PRKRA: variants seen among roughly 807,000 people sequenced by gnomAD.
PRKRA encodes interferon-inducible double-stranded RNA-dependent protein kinase activator A.
Under a neutral mutation model 32.4 loss-of-function variants are expected in PRKRA, and 22 were observed. The ratio of observed to expected loss-of-function variants is 0.68; its 90% CI spans 0.49 to 0.97. PRKRA has a LOEUF of 0.97. PRKRA is among the 50% of genes least tolerant of loss of function. The pLI, the probability that PRKRA is intolerant of heterozygous loss-of-function variation, is 0.00. For missense variants in PRKRA, 319 were observed against 375.6 expected (o/e 0.85, Z 1.25); for synonymous variants, 139 against 129.8 (o/e 1.07, Z -0.48).
chr2:178,435,383 C>CA (rs765962501), intron 7 of PRKRA, among the ~76,000 whole-genome samples: 1,162 of 60,046 alleles, frequency 0.019, 8 homozygotes, highest in South Asian at 0.028. Flanking sequence ...TACTCCGTCT[C>CA]AAAAAAAAAA....
At position 178,448,659 on chromosome 2, in the gene PRKRA, G is replaced by A. The variant is rs1250261644; in HGVS notation, c.236-1073C>T. ...CATCACAAGACTAGAAGGTAAACGT[G>A]TAGCTACAAGACTGCAGCTACAATC... On this transcript the variant is annotated intron_variant, in intron 2 of 7. Transcript: ENST00000325748. Among the ~76,000 whole-genome samples, 3 of 152,314 alleles carry A rather than the reference G, an allele frequency of 2.0e-5. No homozygotes were observed. In the East Asian group the frequency reaches 5.8e-4, roughly 29 times the overall value.
chr2:178,444,396 A>C (rs748425799), intron 4 of PRKRA, 26 bp downstream of exon 4: 7 of 789,122 alleles, frequency 8.9e-6, no homozygotes, highest in Non-Finnish European at 9.2e-6. Context: ...ATATTTCATC[A>C]GTAGGCAAAG....
chr2:178,444,911 G>A (rs1012535900), intron 3 of PRKRA, among the ~76,000 whole-genome samples: 2 of 152,158 alleles, frequency 1.3e-5, no homozygotes, highest in Non-Finnish European at 2.9e-5. Context: ...AAGCTTTGTG[G>A]TGTTTTGTAC....
At chr2:178,443,600 C>T (rs111662983) in intron 4 of PRKRA, 102 of 463,394 alleles carry the variant, frequency 2.2e-4, no homozygotes, top group African/African-American at 1.8e-3. Context: ...TTTTGTGCTA[C>T]GAATGGTGTT....
At chr2:178,447,803 TA>T (rs1697380918) in intron 2 of PRKRA, among the ~76,000 whole-genome samples, 1 of 152,220 alleles carries the variant, frequency 6.6e-6, no homozygotes, top group Non-Finnish European at 1.5e-5. Context: ...GAAAAAATTT[TA>T]AAAAATAACT....
At chr2:178,445,693 G>T (rs1697291936) in intron 3 of PRKRA, 1 of 154,392 alleles carries the variant, frequency 6.5e-6, no homozygotes, top group Non-Finnish European at 1.5e-5. Context: ...CATCACCAGT[G>T]GGGGAGAACC....
chr2:178,451,002 G>A lies in PRKRA; in HGVS notation c.29C>T (p.Ala10Val), dbSNP rs1236217416. 5 of 1,562,964 alleles carry A rather than the reference G, an allele frequency of 3.2e-6. No individual in the cohort carries two copies. Among genetic ancestry groups the A allele is most frequent in the Non-Finnish European group, 4.3e-6 (5 of 1,159,160 alleles). ...ACTGTCCTCGCGCTCCAGCGGCGGGGCCTCGGCGCGGTGCCTGCTCTGGGA... is the reference window on the plus strand; with the variant it reads ...ACTGTCCTCGCGCTCCAGCGGCGGGACCTCGGCGCGGTGCCTGCTCTGGGA... MSQSRHRAE[A>V]PPLEREDSGT... is the part of the protein sequence containing the mutation. Residue 10 changes from alanine to valine, a missense_variant, in exon 1 of 8, where the codon GCC becomes GTC. Physicochemically the swap from Ala to Val is moderately conservative, Grantham distance 64 (BLOSUM62 0). Coordinates refer to ENST00000325748, the MANE Select transcript of PRKRA (RefSeq NM_003690.5).
At chr2:178,440,814 C>A (rs1353358267) in intron 6 of PRKRA, among the ~76,000 whole-genome samples, 1 of 152,202 alleles carries the variant, frequency 6.6e-6, no homozygotes, top group African/African-American at 2.4e-5. Context: ...AGACTAGATC[C>A]TGTCCTTCCC....
At chr2:178,440,658 C>A (rs1018813822) in intron 6 of PRKRA, among the ~76,000 whole-genome samples, 1 of 152,164 alleles carries the variant, frequency 6.6e-6, no homozygotes, top group Non-Finnish European at 1.5e-5. Flanking sequence ...TTAAAATCTA[C>A]CCATCTCTCT....
Position 178,451,034 on chromosome 2 carries a change from G to C in PRKRA, c.-4C>G, listed in dbSNP as rs1218885581. The C allele has an allele frequency of 1.9e-6, 3 of 1,556,222 alleles. No homozygotes were observed. The highest frequency in any genetic ancestry group is 2.6e-6 in the Non-Finnish European group (3 of 1,156,376). On this transcript the variant is annotated 5_prime_UTR_variant, in exon 1 of 8. Coordinates refer to ENST00000325748, the MANE Select transcript of PRKRA (RefSeq NM_003690.5). ...CGCGGTGCCTGCTCTGGGACATGGCGAGAAGGGACGGCTCAGCGGCTGGAG... is the reference window on the plus strand; with the variant it reads ...CGCGGTGCCTGCTCTGGGACATGGCCAGAAGGGACGGCTCAGCGGCTGGAG...
chr2:178,438,506 T>C (rs1323804101), intron 6 of PRKRA, among the ~76,000 whole-genome samples: 1 of 152,244 alleles, frequency 6.6e-6, no homozygotes, highest in Non-Finnish European at 1.5e-5. Flanking sequence ...TGACTATTCC[T>C]GGCCCAGTAA....
intron 2 of PRKRA, 183 bp downstream of exon 2, chr2:178,450,059 A>G (rs1697498755): frequency 9.8e-6 from 8 of 816,196 alleles, no homozygotes; most frequent in South Asian, 6.1e-5. Flanking sequence ...TGTGGGGAAG[A>G]GAAAATTAGG....
At chr2:178,435,526 A>AAAT (rs1299314181) in intron 7 of PRKRA, among the ~76,000 whole-genome samples, 4 of 152,218 alleles carry the variant, frequency 2.6e-5, no homozygotes, top group Non-Finnish European at 4.4e-5. Context: ...GGGCTAGAGA[A>AAAT]AATACAGATG....
intron 3 of PRKRA, 143 bp downstream of exon 3, chr2:178,447,362 T>C: frequency 2.1e-6 from 3 of 1,417,450 alleles, no homozygotes; most frequent in Non-Finnish European, 2.9e-6. Flanking sequence ...TAATGGATGA[T>C]AAGTTTTCAT....
rs2154124437 is a variant in PRKRA, at chr2:178,432,214, T to C, written c.825A>G (p.Glu275=). The change falls in exon 8 of 8, where the codon GAA becomes GAG. Residue 275 remains glutamate (E), a synonymous_variant. Coordinates refer to ENST00000325748, the MANE Select transcript of PRKRA (RefSeq NM_003690.5). ...AGACTGTGATGGGGCTGGTGGACAG[T>C]TCAGCAAGACATTGATATTGTCCAT... ...SANGQYQCLA[E]LSTSPITVCH... is the part of the protein sequence containing the mutation. 4 of 1,614,230 alleles carry C rather than the reference T, an allele frequency of 2.5e-6. No individual in the cohort carries two copies. Among genetic ancestry groups the C allele is most frequent in the Non-Finnish European group, 1.7e-6 (2 of 1,180,042 alleles).
chr2:178,444,172 T>C (rs577661818), intron 4 of PRKRA, among the ~76,000 whole-genome samples: 2 of 152,278 alleles, frequency 1.3e-5, no homozygotes, highest in East Asian at 3.9e-4. Context: ...ACTTTACCCA[T>C]GTGCACTGAG....
intron 2 of PRKRA, chr2:178,449,969 G>C: frequency 1.9e-6 from 1 of 535,670 alleles, no homozygotes; most frequent in East Asian, 3.4e-5. Context: ...AACCCTAGGA[G>C]GATCCTAGGG....
chr2:178,444,623 C>A, intron 3 of PRKRA, 123 bp from the exon 4 acceptor site: 1 of 794,762 alleles, frequency 1.3e-6, no homozygotes, highest in Non-Finnish European at 2.1e-6. Flanking sequence ...ACATGGAATG[C>A]CCTTTTCTCA....
chr2:178,450,814 G>C, intron 1 of PRKRA, 152 bp downstream of exon 1: 1 of 1,340,242 alleles, frequency 7.5e-7, no homozygotes, highest in Non-Finnish European at 9.5e-7. Flanking sequence ...AACCCTCGCC[G>C]CCGAGAGGGC....
Sources: allele counts gnomAD v4.1 joint callset (sites outside exome capture counted in the v4.1 genomes callset), GRCh38; gene constraint gnomAD v4.1.1; transcripts MANE v1.5; gene names NCBI Gene and HGNC (gene_info 2026-07-23, HGNC 2026-07-21).